The following ALK variants were observed in gnomAD, a reference collection of about 807,000 sequenced individuals.
ALK encodes ALK receptor tyrosine kinase, also known as ALK tyrosine kinase receptor.
Under a neutral mutation model 163.1 loss-of-function variants are expected in ALK, and 74 were observed. The ratio of observed to expected loss-of-function variants is 0.45; its 90% CI spans 0.38 to 0.55. The LOEUF (loss-of-function observed/expected upper bound fraction) is 0.55, where lower values mean the gene tolerates loss of function less well. ALK is among the 20% of genes least tolerant of loss of function. The pLI is 0.00. For synonymous variants in ALK, 960 were observed against 843.2 expected (o/e 1.14, Z -2.40); for missense variants, 2,063 against 2,105.3 (o/e 0.98, Z 0.39).
intron 1 of ALK, among the ~76,000 whole-genome samples, chr2:29,794,377 A>T (rs1664256195): frequency 6.6e-6 from 1 of 152,180 alleles, no homozygotes. Flanking sequence ...TATACCAGCA[A>T]TAAGGCTGTT....
chr2:29,536,010 G>A (rs1024999801), intron 3 of ALK, among the ~76,000 whole-genome samples: 5 of 152,112 alleles, frequency 3.3e-5, no homozygotes, highest in Non-Finnish European at 7.4e-5. Context: ...TACATCCCTA[G>A]GAAGGGCTCC....
intron 3 of ALK, among the ~76,000 whole-genome samples, chr2:29,581,921 C>T (rs1674704394): frequency 6.6e-6 from 1 of 152,218 alleles, no homozygotes; most frequent in Admixed American, 6.5e-5. Flanking sequence ...TAAGGGAAGA[C>T]TGGGCATGGG....
chr2:29,794,663 C>A (rs547989477), intron 1 of ALK, among the ~76,000 whole-genome samples: 52 of 152,166 alleles, frequency 3.4e-4, no homozygotes, highest in African/African-American at 1.2e-3. Flanking sequence ...AACAGGGAAG[C>A]CCAAGGAGAT....
At chr2:29,706,404 G>C (rs1053126551) in intron 2 of ALK, among the ~76,000 whole-genome samples, 3 of 152,160 alleles carry the variant, frequency 2.0e-5, no homozygotes, top group Non-Finnish European at 4.4e-5. Flanking sequence ...ATAACACTAA[G>C]TATCCAACCT....
At chr2:29,257,624 G>A (rs146785432) in intron 11 of ALK, among the ~76,000 whole-genome samples, 2 of 152,294 alleles carry the variant, frequency 1.3e-5, no homozygotes, top group Non-Finnish European at 2.9e-5. Flanking sequence ...ATCTGCCTCA[G>A]TTTGGAGGCC....
At chr2:29,876,724 T>C (rs965435135) in intron 1 of ALK, among the ~76,000 whole-genome samples, 3 of 149,830 alleles carry the variant, frequency 2.0e-5, no homozygotes, top group African/African-American at 7.4e-5. Flanking sequence ...GTGATGGTGA[T>C]GATGATGGTG....
chr2:29,722,902 A>G (rs1017443594), intron 1 of ALK, among the ~76,000 whole-genome samples: 2 of 152,134 alleles, frequency 1.3e-5, no homozygotes, highest in Admixed American at 6.5e-5. Context: ...TGGGCCAAAA[A>G]CCAATGAGGA....
intron 5 of ALK, among the ~76,000 whole-genome samples, chr2:29,377,174 CTG>C (rs995162747): frequency 2.0e-5 from 3 of 152,016 alleles, no homozygotes; most frequent in Non-Finnish European, 2.9e-5. Flanking sequence ...ACCATAAAAA[CTG>C]GAGTTAATAG....
chr2:29,832,914 G>A (rs1245233647), intron 1 of ALK, among the ~76,000 whole-genome samples: 1 of 152,240 alleles, frequency 6.6e-6, no homozygotes, highest in African/African-American at 2.4e-5. Flanking sequence ...TTCCTGAGAA[G>A]GCGGCAGTTG....
chr2:29,861,394 A>G (rs1666287175), intron 1 of ALK, among the ~76,000 whole-genome samples: 1 of 152,212 alleles, frequency 6.6e-6, no homozygotes, highest in African/African-American at 2.4e-5. Flanking sequence ...GAATCAACAG[A>G]TCTTTACTAT....
intron 4 of ALK, among the ~76,000 whole-genome samples, chr2:29,398,976 A>G (rs973646496): frequency 6.6e-6 from 1 of 152,128 alleles, no homozygotes; most frequent in African/African-American, 2.4e-5. Flanking sequence ...GAGCTGCTGC[A>G]GGGGTATCTG....
At chr2:29,223,714 T>C in intron 19 of ALK, 186 bp from the exon 20 acceptor site, 1 of 618,662 alleles carries the variant, frequency 1.6e-6, no homozygotes, top group Non-Finnish European at 2.8e-6. Context: ...AAGCATGATT[T>C]AAAGTAAATG....
At chr2:29,765,764 T>TAC (rs1179545882) in intron 1 of ALK, among the ~76,000 whole-genome samples, 1 of 152,214 alleles carries the variant, frequency 6.6e-6, no homozygotes, top group Non-Finnish European at 1.5e-5. Context: ...TATTTATATA[T>TAC]ACACAGTGGT....
intron 1 of ALK, among the ~76,000 whole-genome samples, chr2:29,786,655 T>A (rs1038996792): frequency 2.0e-5 from 3 of 152,096 alleles, no homozygotes; most frequent in African/African-American, 7.2e-5. Context: ...GAGGTCAGAG[T>A]CTCAGTTGTG....
intron 4 of ALK, among the ~76,000 whole-genome samples, chr2:29,513,991 T>C (rs1319161560): frequency 8.9e-6 from 1 of 111,936 alleles, no homozygotes; most frequent in Non-Finnish European, 1.9e-5. Flanking sequence ...ATTAAAAAGT[T>C]AGGAAACAAC....
intron 1 of ALK, among the ~76,000 whole-genome samples, chr2:29,763,086 CAAAA>C (rs1034835014): frequency 1.9e-5 from 1 of 53,092 alleles, no homozygotes; most frequent in African/African-American, 6.5e-5. Context: ...GACTCCATCT[CAAAA>C]AAAAAAAAAA....
chr2:29,345,014 G>T (rs1372717544), intron 5 of ALK, among the ~76,000 whole-genome samples: 2 of 152,076 alleles, frequency 1.3e-5, no homozygotes, highest in African/African-American at 4.8e-5. Context: ...AAGCTATTTT[G>T]GTTTTTGCCA....
At chr2:29,202,475 T>A (rs1669207334) in intron 26 of ALK, among the ~76,000 whole-genome samples, 1 of 152,240 alleles carries the variant, frequency 6.6e-6, no homozygotes, top group Admixed American at 6.5e-5. Flanking sequence ...CTCCCTTTCT[T>A]TATGAAGACT....
chr2:29,747,278 A>C (rs1233855782), intron 1 of ALK, among the ~76,000 whole-genome samples: 1 of 152,252 alleles, frequency 6.6e-6, no homozygotes, highest in African/African-American at 2.4e-5. Context: ...GAAAGTTTAC[A>C]AACTTATCTT....
Sources: allele counts gnomAD v4.1 joint callset (sites outside exome capture counted in the v4.1 genomes callset), GRCh38; gene constraint gnomAD v4.1.1; transcripts MANE v1.5; gene names NCBI Gene and HGNC (gene_info 2026-07-23, HGNC 2026-07-21).